The following MGAT4C variants were observed in gnomAD, a reference collection of about 807,000 sequenced individuals.
MGAT4C encodes the protein alpha-1,3-mannosyl-glycoprotein 4-beta-N-acetylglucosaminyltransferase C.
In MGAT4C, 19 loss-of-function variants were observed where a neutral mutation model predicts 40.1. The observed-to-expected ratio is 0.47, with a 90% CI of 0.33 to 0.70. MGAT4C has a LOEUF of 0.70. Ranked by LOEUF, MGAT4C falls within the 30% of genes least tolerant of loss-of-function variation. MGAT4C has a pLI of 0.02. For synonymous variants in MGAT4C, 181 were observed against 187.1 expected (o/e 0.97, Z 0.27); for missense variants, 491 against 563.2 (o/e 0.87, Z 1.30).
intron 1 of MGAT4C, among the ~76,000 whole-genome samples, chr12:86,090,269 TAA>T (rs890917340): frequency 6.6e-6 from 1 of 151,720 alleles, no homozygotes; most frequent in Non-Finnish European, 1.5e-5. Context: ...GCCATATTCA[TAA>T]AGTTTATGCA....
chr12:86,708,777 G>T (rs1386191208), intron 2 of MGAT4C, among the ~76,000 whole-genome samples: 10 of 152,102 alleles, frequency 6.6e-5, no homozygotes, highest in Non-Finnish European at 1.3e-4. Context: ...ACTTTCATGG[G>T]GCCTGAAACC....
At chr12:86,718,693 C>A (rs1291583102) in intron 2 of MGAT4C, among the ~76,000 whole-genome samples, 1 of 152,136 alleles carries the variant, frequency 6.6e-6, no homozygotes, top group East Asian at 1.9e-4. Context: ...TAAGCTTCAC[C>A]TCCTGTCAGA....
chr12:86,492,371 G>A (rs530655881), intron 2 of MGAT4C, among the ~76,000 whole-genome samples: 1 of 152,118 alleles, frequency 6.6e-6, no homozygotes, highest in Non-Finnish European at 1.5e-5. Flanking sequence ...AAAGCTGGAG[G>A]CATCACACTA....
chr12:86,705,538 G>C (rs377255388), intron 2 of MGAT4C, among the ~76,000 whole-genome samples: 5 of 151,868 alleles, frequency 3.3e-5, no homozygotes, highest in Non-Finnish European at 7.4e-5. Context: ...CCCAGGTAAA[G>C]AAAATATTAT....
chr12:86,622,050 G>A (rs549075633), intron 2 of MGAT4C, among the ~76,000 whole-genome samples: 15 of 152,238 alleles, frequency 9.9e-5, no homozygotes, highest in Non-Finnish European at 2.9e-5. Context: ...TAAGTGTTCT[G>A]TATGCTTTTA....
intron 1 of MGAT4C, among the ~76,000 whole-genome samples, chr12:86,097,111 C>T (rs1019274627): frequency 1.1e-4 from 17 of 151,560 alleles, no homozygotes; most frequent in African/African-American, 4.1e-4. Flanking sequence ...TATATTATCT[C>T]CAGCTGGCAT....
chr12:86,478,711 G>T (rs1592896486), intron 2 of MGAT4C, among the ~76,000 whole-genome samples: 1 of 152,054 alleles, frequency 6.6e-6, no homozygotes, highest in African/African-American at 2.4e-5. Flanking sequence ...CAAGATCATA[G>T]TTTATTCAAC....
chr12:86,832,860 T>C (rs765651326), intron 1 of MGAT4C, among the ~76,000 whole-genome samples: 39 of 151,888 alleles, frequency 2.6e-4, no homozygotes, highest in Non-Finnish European at 5.3e-4. Flanking sequence ...GCTAGTAGAA[T>C]GGACATGAGA....
intron 3 of MGAT4C, among the ~76,000 whole-genome samples, chr12:86,428,607 C>G (rs1199953651): frequency 2.0e-5 from 3 of 152,170 alleles, no homozygotes; most frequent in Non-Finnish European, 4.4e-5. Context: ...AGGTCCTGGT[C>G]TTTTCTTGCT....
intron 2 of MGAT4C, among the ~76,000 whole-genome samples, chr12:86,580,545 T>A (rs562911270): frequency 1.3e-5 from 2 of 151,522 alleles, no homozygotes; most frequent in African/African-American, 4.8e-5. Context: ...GAATTGATTA[T>A]AGCTATAATC....
At chr12:86,363,303 T>C (rs1047160118) in intron 3 of MGAT4C, among the ~76,000 whole-genome samples, 1 of 152,084 alleles carries the variant, frequency 6.6e-6, no homozygotes, top group Non-Finnish European at 1.5e-5. Context: ...TAATCAATAA[T>C]AGAAAATTGT....
At chr12:86,800,416 T>C (rs1377796344) in intron 1 of MGAT4C, among the ~76,000 whole-genome samples, 1 of 151,860 alleles carries the variant, frequency 6.6e-6, no homozygotes, top group Non-Finnish European at 1.5e-5. Context: ...GCCTTCTCCA[T>C]CACTTTATAA....
intron 1 of MGAT4C, among the ~76,000 whole-genome samples, chr12:86,136,407 A>G (rs1360755588): frequency 6.6e-6 from 1 of 152,142 alleles, no homozygotes; most frequent in Admixed American, 6.5e-5. Context: ...ATGGAGAATA[A>G]TGGAGGTGGG....
intron 1 of MGAT4C, among the ~76,000 whole-genome samples, chr12:86,829,467 A>G (rs572387750): frequency 6.6e-6 from 1 of 151,722 alleles, no homozygotes; most frequent in African/African-American, 2.4e-5. Flanking sequence ...AATATAATGC[A>G]ATACTTAAAA....
At chr12:86,807,416 G>A (rs1952378876) in intron 1 of MGAT4C, among the ~76,000 whole-genome samples, 1 of 151,942 alleles carries the variant, frequency 6.6e-6, no homozygotes, top group African/African-American at 2.4e-5. Flanking sequence ...TGAGGATAAT[G>A]GCTCCAGCTC....
chr12:86,827,521 C>T (rs540472111), intron 1 of MGAT4C, among the ~76,000 whole-genome samples: 8 of 150,878 alleles, frequency 5.3e-5, no homozygotes, highest in East Asian at 2.0e-4. Flanking sequence ...TAGATGGAGT[C>T]GAAAATGTGA....
chr12:86,584,181 G>A (rs1960912501), intron 2 of MGAT4C, among the ~76,000 whole-genome samples: 1 of 150,724 alleles, frequency 6.6e-6, no homozygotes, highest in Non-Finnish European at 1.5e-5. Flanking sequence ...TTCAAACACT[G>A]TGAAACACAA....
chr12:86,344,034 G>C (rs897233841), intron 3 of MGAT4C, among the ~76,000 whole-genome samples: 1 of 152,188 alleles, frequency 6.6e-6, no homozygotes, highest in Middle Eastern at 3.4e-3. Context: ...TCTGTCACTA[G>C]TTCTAAGCTA....
intron 2 of MGAT4C, among the ~76,000 whole-genome samples, chr12:86,572,852 T>G (rs1781582738): frequency 6.6e-6 from 1 of 152,048 alleles, no homozygotes; most frequent in Admixed American, 6.6e-5. Context: ...TGTCTCACTC[T>G]GCCCTTCTCT....
Sources: allele counts gnomAD v4.1 joint callset (sites outside exome capture counted in the v4.1 genomes callset), GRCh38; gene constraint gnomAD v4.1.1; transcripts MANE v1.5; gene names NCBI Gene and HGNC (gene_info 2026-07-23, HGNC 2026-07-21).